The following PAPPA2 variants were observed in gnomAD, a reference collection of about 807,000 sequenced individuals.
The protein encoded by PAPPA2 is pappalysin 2, also known as pappalysin-2.
PAPPA2 carries 86 observed loss-of-function variants against 176.4 expected under a neutral mutation model. That is an observed-to-expected ratio of 0.49 (90% CI 0.41 to 0.58). PAPPA2 has a LOEUF of 0.58. PAPPA2 is among the 20% of genes least tolerant of loss of function. The probability of loss-of-function intolerance (pLI) is 0.00; values close to 1 mark genes in which losing one functional copy is unlikely to be tolerated. For synonymous variants in PAPPA2, 809 were observed against 852.2 expected, an observed-to-expected ratio of 0.95 and a Z score of 0.88; for missense variants, 2,073 against 2,256.9, an observed-to-expected ratio of 0.92 and a Z score of 1.65.
chr1:176,764,008 C>A (rs1318231078), intron 14 of PAPPA2, among the ~76,000 whole-genome samples: 1 of 152,166 alleles, frequency 6.6e-6, no homozygotes, highest in Non-Finnish European at 1.5e-5. Flanking sequence ...TCATACATGG[C>A]AGAAGCAAAC....
intron 15 of PAPPA2, among the ~76,000 whole-genome samples, chr1:176,766,901 A>G (rs1474578044): frequency 7.0e-6 from 1 of 142,666 alleles, no homozygotes; most frequent in Non-Finnish European, 1.5e-5. Flanking sequence ...GTGATTTACA[A>G]GAGTTGATTT....
At chr1:176,694,721 A>G (rs1457627807) in intron 6 of PAPPA2, among the ~76,000 whole-genome samples, 1 of 152,220 alleles carries the variant, frequency 6.6e-6, no homozygotes, top group African/African-American at 2.4e-5. Flanking sequence ...CAGTTATAGT[A>G]CTTGTAGAAC....
chr1:176,768,798 T>G (rs1315137886), intron 15 of PAPPA2, among the ~76,000 whole-genome samples: 3 of 152,180 alleles, frequency 2.0e-5, no homozygotes, highest in African/African-American at 7.2e-5. Flanking sequence ...ATGGCTAGAA[T>G]CTCTCACATT....
At chr1:176,524,877 AC>A (rs200994548) in intron 1 of PAPPA2, among the ~76,000 whole-genome samples, 15 of 152,242 alleles carry the variant, frequency 9.9e-5, no homozygotes, top group East Asian at 5.8e-4. Flanking sequence ...TACAAAAAAA[AC>A]AAAATAAAAT....
chr1:176,485,835 A>G (rs986038464), intron 1 of PAPPA2, among the ~76,000 whole-genome samples: 1 of 152,228 alleles, frequency 6.6e-6, no homozygotes, highest in Non-Finnish European at 1.5e-5. Flanking sequence ...ATTGATGTTA[A>G]TCTTTTTATA....
At chr1:176,831,022 G>A (rs1667061520) in intron 21 of PAPPA2, among the ~76,000 whole-genome samples, 2 of 152,192 alleles carry the variant, frequency 1.3e-5, no homozygotes, top group African/African-American at 4.8e-5. Flanking sequence ...AGCTTCACTG[G>A]AGAAAAGGGG....
intron 21 of PAPPA2, among the ~76,000 whole-genome samples, chr1:176,821,260 C>T (rs532066819): frequency 1.8e-4 from 28 of 151,980 alleles, no homozygotes; most frequent in African/African-American, 6.5e-4. Context: ...GAGTATAAGC[C>T]GATAATACAA....
intron 3 of PAPPA2, among the ~76,000 whole-genome samples, chr1:176,639,626 T>C (rs1656949512): frequency 1.3e-5 from 2 of 152,206 alleles, no homozygotes; most frequent in Admixed American, 6.6e-5. Flanking sequence ...CTAGACCAGT[T>C]TGTAAAAGTA....
chr1:176,583,271 T>C (rs1653096876), intron 2 of PAPPA2, among the ~76,000 whole-genome samples: 1 of 152,058 alleles, frequency 6.6e-6, no homozygotes. Context: ...TTTTTGGTTT[T>C]GTTTGTACTT....
At chr1:176,481,452 C>T (rs1169231107) in intron 1 of PAPPA2, among the ~76,000 whole-genome samples, 1 of 151,948 alleles carries the variant, frequency 6.6e-6, no homozygotes, top group African/African-American at 2.4e-5. Context: ...CCAGGGACAT[C>T]TAGTGTGGCC....
At chr1:176,564,725 T>C (rs2102603207) in intron 2 of PAPPA2, among the ~76,000 whole-genome samples, 1 of 150,846 alleles carries the variant, frequency 6.6e-6, no homozygotes, top group Middle Eastern at 3.4e-3. Context: ...TCCTTTTCTT[T>C]TTTTTTTTTT....
At chr1:176,651,214 T>C (rs1176912936) in intron 3 of PAPPA2, among the ~76,000 whole-genome samples, 1 of 151,650 alleles carries the variant, frequency 6.6e-6, no homozygotes, top group Non-Finnish European at 1.5e-5. Context: ...TATACTTAAT[T>C]TTAATAGTGG....
At chr1:176,757,011 T>C (rs1194746469) in intron 14 of PAPPA2, among the ~76,000 whole-genome samples, 2 of 152,200 alleles carry the variant, frequency 1.3e-5, no homozygotes, top group East Asian at 1.9e-4. Flanking sequence ...TCCAGCTTCA[T>C]CCATGCCCCT....
At chr1:176,630,101 GACTA>G (rs1413325304) in intron 3 of PAPPA2, among the ~76,000 whole-genome samples, 6 of 152,198 alleles carry the variant, frequency 3.9e-5, no homozygotes, top group Non-Finnish European at 7.4e-5. Context: ...AATATATGCC[GACTA>G]ACTAACTCTA....
intron 12 of PAPPA2, among the ~76,000 whole-genome samples, chr1:176,725,467 A>G (rs1661821798): frequency 6.6e-6 from 1 of 152,206 alleles, no homozygotes; most frequent in Non-Finnish European, 1.5e-5. Context: ...GAGGGATCCA[A>G]AGATGAATGA....
intron 1 of PAPPA2, among the ~76,000 whole-genome samples, chr1:176,474,310 A>G (rs1433841602): frequency 1.3e-5 from 2 of 152,210 alleles, no homozygotes; most frequent in Non-Finnish European, 2.9e-5. Flanking sequence ...ACTATCTGGA[A>G]CACATAGTCT....
rs547652563 is a variant in PAPPA2, at chr1:176,811,376, A to G, written c.5202+11244A>G. 1.3e-3 allele frequency among the ~76,000 whole-genome samples: 197 copies of G among 152,332 alleles called. 1 individual carries two copies. The highest frequency in any genetic ancestry group is 4.6e-3 in the African/African-American group (192 of 41,584). On this transcript the variant is annotated intron_variant, in intron 21 of 22. Coordinates refer to ENST00000367662, the MANE Select transcript of PAPPA2 (RefSeq NM_020318.3). Reference sequence around the variant, plus strand: ...TCTTTGCCACACTTCAGCTGTTTACAAATCAGATATAATAATCATTCCTTC... The same window carrying G: ...TCTTTGCCACACTTCAGCTGTTTACGAATCAGATATAATAATCATTCCTTC...
intron 14 of PAPPA2, among the ~76,000 whole-genome samples, chr1:176,752,474 C>G (rs940215249): frequency 4.6e-5 from 7 of 151,672 alleles, no homozygotes; most frequent in Non-Finnish European, 1.0e-4. Flanking sequence ...ACCTGCCTTG[C>G]TTTGCTAACC....
At position 176,805,557 on chromosome 1, in the gene PAPPA2, G is replaced by T. The variant is rs78599862; in HGVS notation, c.5202+5425G>T. On this transcript the variant is annotated intron_variant, in intron 21 of 22. Coordinates refer to ENST00000367662, the MANE Select transcript of PAPPA2 (RefSeq NM_020318.3). ...TGTCAGGCTTTCTCTTAGAACTTCT[G>T]TGAGAATCAGGTGAAATAACTGATT... Among the ~76,000 whole-genome samples the T allele has an allele frequency of 9.6e-4, 146 of 152,310 alleles. 2 individuals carry two copies. Among genetic ancestry groups the T allele is most frequent in the African/African-American group, 3.5e-3 (145 of 41,568 alleles).
Sources: gnomAD v4.1 joint callset for allele counts (sites outside exome capture counted in the v4.1 genomes callset) on GRCh38, gnomAD v4.1.1 for gene constraint, MANE v1.5 for transcripts, NCBI Gene and HGNC (gene_info 2026-07-23, HGNC 2026-07-21) for gene names.